Variants in SHROOM4 observed in about 807,000 individuals in gnomAD.
SHROOM4 encodes the protein protein Shroom4.
SHROOM4 carries 17 observed loss-of-function variants against 80.3 expected under a neutral mutation model. The ratio of observed to expected loss-of-function variants is 0.21; its 90% CI spans 0.14 to 0.32. The LOEUF is 0.32. SHROOM4 is among the 10% of genes least tolerant of loss of function. The probability of loss-of-function intolerance (pLI) is 1.00; values close to 1 mark genes in which losing one functional copy is unlikely to be tolerated. For missense variants in SHROOM4, 993 were observed against 1,140.3 expected (o/e 0.87, Z 1.86); for synonymous variants, 400 against 437.5 (o/e 0.91, Z 1.07).
chrX:50,723,243 A>G (rs900705552), intron 1 of SHROOM4, among the ~76,000 whole-genome samples: 2 of 94,629 alleles, frequency 2.1e-5, no homozygotes, highest in Non-Finnish European at 4.2e-5. Context: ...AGAATCTACT[A>G]TTCTTAAATG....
At chrX:50,659,023 C>T (rs1557259738) in intron 2 of SHROOM4, among the ~76,000 whole-genome samples, 1 of 111,254 alleles carries the variant, frequency 9.0e-6, no homozygotes, top group Non-Finnish European at 1.9e-5. Flanking sequence ...AGGGGGAAAT[C>T]CAAATTGAGA....
chrX:50,617,389 G>A (rs781980486), intron 5 of SHROOM4, among the ~76,000 whole-genome samples: 1 of 111,499 alleles, frequency 9.0e-6, no homozygotes. Flanking sequence ...CTGCTCAATA[G>A]CCAAGAAACC....
intron 1 of SHROOM4, among the ~76,000 whole-genome samples, chrX:50,775,487 G>A (rs1474547573): frequency 9.0e-6 from 1 of 111,442 alleles, no homozygotes; most frequent in Non-Finnish European, 1.9e-5. Flanking sequence ...CAGCTTCCAG[G>A]AAGAGTACTG....
At chrX:50,586,182 G>T (rs1209754969), downstream of SHROOM4, among the ~76,000 whole-genome samples, 1 of 111,942 alleles carries the variant, frequency 8.9e-6, no homozygotes, top group Non-Finnish European at 1.9e-5. Context: ...ATCATTTATT[G>T]TATCTGCTGA....
chrX:50,662,789 G>T (rs1932554352), intron 2 of SHROOM4, among the ~76,000 whole-genome samples: 1 of 111,043 alleles, frequency 9.0e-6, no homozygotes, highest in Non-Finnish European at 1.9e-5. Context: ...CTGAAAAATT[G>T]CACATTAGAA....
At chrX:50,622,644 C>T (rs781946479) in intron 5 of SHROOM4, among the ~76,000 whole-genome samples, 1 of 111,976 alleles carries the variant, frequency 8.9e-6, no homozygotes, top group South Asian at 3.7e-4. Flanking sequence ...ACTCATCATT[C>T]CAGTTTTTAC....
In SHROOM4 at chrX:50,678,298, T is replaced by C. The variant is rs1484655561; in HGVS notation, c.269+17488A>G. On this transcript the variant is annotated intron_variant, in intron 2 of 8. Transcript: ENST00000376020. ...TCTGATCTACCCTGATCTCATTCTA[T>C]GCAATTCCTCTTTTGCTGCTGTATT... Among the ~76,000 whole-genome samples, 3 of 111,534 alleles carry C rather than the reference T, an allele frequency of 2.7e-5. No individual in the cohort carries two copies. The East Asian group carries it at 8.5e-4, about 32-fold the overall frequency.
intron 1 of SHROOM4, among the ~76,000 whole-genome samples, chrX:50,741,677 C>T (rs1179406211): frequency 9.0e-6 from 1 of 110,836 alleles, no homozygotes; most frequent in African/African-American, 3.3e-5. Context: ...TATTGAGCAC[C>T]TTTTCATGTG....
At chrX:50,785,943 A>C (rs1397477685) in intron 1 of SHROOM4, among the ~76,000 whole-genome samples, 4 of 111,862 alleles carry the variant, frequency 3.6e-5, no homozygotes, top group African/African-American at 1.3e-4. Flanking sequence ...GACATCAGCA[A>C]GATGGAATAG....
chrX:50,601,861 T>TA (rs1225311283), intron 7 of SHROOM4, among the ~76,000 whole-genome samples: 3 of 111,246 alleles, frequency 2.7e-5, no homozygotes, highest in Admixed American at 9.5e-5. Flanking sequence ...GCACTGCCAT[T>TA]GGTTAGAGGA....
In SHROOM4 at chrX:50,684,092, C is replaced by T. The variant is rs147135763; in HGVS notation, c.269+11694G>A. Among the ~76,000 whole-genome samples, 9 of 111,818 alleles carry T rather than the reference C, an allele frequency of 8.0e-5. No homozygotes were observed. In the East Asian group the frequency reaches 2.3e-3, roughly 28 times the overall value. Reference sequence around the variant, plus strand: ...GAAGTTGTACTGAGTTGAATGGTGCCCCTGCAAAATTCATGTTTACCCAGA... The same window carrying T: ...GAAGTTGTACTGAGTTGAATGGTGCTCCTGCAAAATTCATGTTTACCCAGA... On this transcript the variant is annotated intron_variant, in intron 2 of 8. Coordinates refer to ENST00000376020, the MANE Select transcript of SHROOM4 (RefSeq NM_020717.5).
In SHROOM4 at chrX:50,663,068, T is replaced by A. The variant is rs951603339; in HGVS notation, c.270-24760A>T. 9.0e-5 allele frequency among the ~76,000 whole-genome samples: 10 copies of A among 111,560 alleles called. No individual in the cohort carries two copies. In the East Asian group the frequency reaches 2.3e-3, roughly 25 times the overall value. The stretch of plus-strand genomic sequence containing the variant: ...TGCAAATATTTATGTAGAATTTAGA[T>A]TAATTTAGATTAGAAATTTCATTCT... On this transcript the variant is annotated intron_variant, in intron 2 of 8. Transcript: ENST00000376020.
intron 1 of SHROOM4, among the ~76,000 whole-genome samples, chrX:50,752,457 T>C (rs1319916689): frequency 9.0e-6 from 1 of 111,665 alleles, no homozygotes; most frequent in Non-Finnish European, 1.9e-5. Context: ...GTATGCCTGA[T>C]ACAGCTTAAG....
At chrX:50,581,573 AT>A in the SHROOM4 span, among the ~76,000 whole-genome samples, 1 of 112,084 alleles carries the variant, frequency 8.9e-6, no homozygotes, top group Non-Finnish European at 1.9e-5. Flanking sequence ...TTTAGCACAC[AT>A]TAAATGACAA....
At chrX:50,575,837 T>C in the SHROOM4 span, among the ~76,000 whole-genome samples, 1 of 112,063 alleles carries the variant, frequency 8.9e-6, no homozygotes, top group Non-Finnish European at 1.9e-5. Context: ...AACCATCAAA[T>C]CCAGTTTTAG....
intron 1 of SHROOM4, among the ~76,000 whole-genome samples, chrX:50,746,999 T>C (rs1443023931): frequency 8.9e-6 from 1 of 112,175 alleles, no homozygotes; most frequent in Non-Finnish European, 1.9e-5. Flanking sequence ...ATCTCATTTA[T>C]AATACAACCA....
At position 50,736,004 on chromosome X, in the gene SHROOM4, C is replaced by CAA. The variant is rs1191157869; in HGVS notation, c.118-40069_118-40068dup. ...CCTGGGTGACAGAACGAGACTGTTT[C>CAA]AAAAAAAAAAAAAAGGAAGAGAGAA... On this transcript the variant is annotated intron_variant, in intron 1 of 8. Transcript: ENST00000376020. Among the ~76,000 whole-genome samples, 522 of 65,321 alleles carry CAA rather than the reference C, an allele frequency of 8.0e-3. 2 individuals are homozygous for CAA. Among genetic ancestry groups the CAA allele is most frequent in the Non-Finnish European group, 0.012 (387 of 33,352 alleles). 56.7% of individuals were successfully genotyped at this position (65,321 alleles called of 115,157 possible).
In SHROOM4 at chrX:50,592,840, T is replaced by G. The variant is rs149522614; in HGVS notation, c.*3855A>C. On this transcript the variant is annotated 3_prime_UTR_variant, in exon 9 of 9. Transcript: ENST00000376020. The stretch of plus-strand genomic sequence containing the variant: ...AACTAGACTCTGTATACTGCTTAGG[T>G]CTATACCTGAGATTACACCTATTGT... 1,200 of 112,722 alleles carry G rather than the reference T, an allele frequency of 0.011. 10 individuals are homozygous for G. Among genetic ancestry groups the G allele is most frequent in the Non-Finnish European group, 0.017 (903 of 53,759 alleles). 9.3% of individuals were successfully genotyped at this position (112,722 alleles called of 1,213,427 possible).
At chrX:50,657,817 C>A (rs781795020) in intron 2 of SHROOM4, among the ~76,000 whole-genome samples, 1 of 111,283 alleles carries the variant, frequency 9.0e-6, no homozygotes, top group African/African-American at 3.3e-5. Flanking sequence ...TCAACTTTTA[C>A]AAAACCAAAC....
Sources: allele counts gnomAD v4.1 joint callset (sites outside exome capture counted in the v4.1 genomes callset), GRCh38; gene constraint gnomAD v4.1.1; transcripts MANE v1.5; gene names NCBI Gene and HGNC (gene_info 2026-07-23, HGNC 2026-07-21).